UNC79: variants seen among roughly 807,000 people sequenced by gnomAD.
UNC79 encodes the protein protein unc-79 homolog.
In UNC79, 37 loss-of-function variants were observed where a neutral mutation model predicts 283.1. That is an observed-to-expected ratio of 0.13 (90% CI 0.10 to 0.17). UNC79 has a LOEUF of 0.17. UNC79 is among the 10% of genes least tolerant of loss of function. UNC79 has a pLI of 1.00. For missense variants in UNC79, 2,272 were observed against 3,211.1 expected (o/e 0.71, Z 7.07); for synonymous variants, 1,107 against 1,200.2 (o/e 0.92, Z 1.61).
chr14:93,404,509 T>TATATATATAA (rs1566915254), intron 1 of UNC79, among the ~76,000 whole-genome samples: 1 of 113,980 alleles, frequency 8.8e-6, no homozygotes, highest in Admixed American at 1.0e-4. Flanking sequence ...TATATATATA[T>TATATATATAA]ATATAAATAT....
At chr14:93,597,770 A>G (rs1406329627) in intron 24 of UNC79, among the ~76,000 whole-genome samples, 1 of 152,158 alleles carries the variant, frequency 6.6e-6, no homozygotes, top group African/African-American at 2.4e-5. Context: ...TAAGGGCACT[A>G]GTTCCATTCA....
intron 6 of UNC79, 59 bp from the exon 7 acceptor site, chr14:93,497,098 C>T (rs2059048499): frequency 6.4e-7 from 1 of 1,556,952 alleles, no homozygotes. Flanking sequence ...ATGTTGAAGT[C>T]TCTACCTTTC....
intron 1 of UNC79, among the ~76,000 whole-genome samples, chr14:93,445,197 A>C (rs1042955018): frequency 1.1e-4 from 16 of 152,206 alleles, no homozygotes; most frequent in Admixed American, 9.8e-4. Flanking sequence ...TAAAAAAAGA[A>C]AAAAATATAT....
intron 14 of UNC79, among the ~76,000 whole-genome samples, chr14:93,557,477 G>C (rs1378009240): frequency 6.6e-6 from 1 of 152,064 alleles, no homozygotes; most frequent in Non-Finnish European, 1.5e-5. Flanking sequence ...CCTTAATGAA[G>C]GTTATGATTT....
intron 1 of UNC79, among the ~76,000 whole-genome samples, chr14:93,459,019 T>C (rs974202334): frequency 6.6e-5 from 10 of 152,226 alleles, no homozygotes; most frequent in Non-Finnish European, 1.3e-4. Context: ...CAGAGTCAAT[T>C]AGAAGGCTTC....
chr14:93,416,621 T>C (rs2055465229), intron 1 of UNC79, among the ~76,000 whole-genome samples: 1 of 152,138 alleles, frequency 6.6e-6, no homozygotes, highest in Non-Finnish European at 1.5e-5. Context: ...GACAGTGGGG[T>C]GTTAAAGTCT....
intron 26 of UNC79, among the ~76,000 whole-genome samples, chr14:93,612,192 A>G (rs949785325): frequency 4.6e-5 from 7 of 152,132 alleles, no homozygotes; most frequent in African/African-American, 1.7e-4. Flanking sequence ...TATGTTTCTC[A>G]TGACATACAG....
At chr14:93,378,138 T>G (rs1362169181) in intron 1 of UNC79, among the ~76,000 whole-genome samples, 1 of 152,232 alleles carries the variant, frequency 6.6e-6, no homozygotes, top group African/African-American at 2.4e-5. Flanking sequence ...ACTGTCATGC[T>G]TAAGCTCTGG....
intron 34 of UNC79, among the ~76,000 whole-genome samples, chr14:93,645,344 A>G (rs1012172837): frequency 6.6e-6 from 1 of 152,228 alleles, no homozygotes; most frequent in Non-Finnish European, 1.5e-5. Context: ...ATATTTACAT[A>G]CACATATATT....
intron 39 of UNC79, among the ~76,000 whole-genome samples, chr14:93,660,563 A>ATATATATATATATATATG (rs1203621990): frequency 1.9e-4 from 12 of 64,786 alleles, no homozygotes; most frequent in Non-Finnish European, 3.2e-4. Flanking sequence ...ATATATATAT[A>ATATATATATATATATATG]TGTGTGTGTG....
At chr14:93,493,029 A>G (rs139664102) in intron 5 of UNC79, among the ~76,000 whole-genome samples, 371 of 152,320 alleles carry the variant, frequency 2.4e-3, no homozygotes, top group African/African-American at 5.1e-3. Context: ...TCATAAAATC[A>G]AGTGTAAAAT....
At chr14:93,562,189 A>T (rs185020523) in intron 14 of UNC79, among the ~76,000 whole-genome samples, 13 of 152,244 alleles carry the variant, frequency 8.5e-5, no homozygotes, top group Admixed American at 3.9e-4. Flanking sequence ...GGTGGATGGC[A>T]GTTGGGGTAC....
At chr14:93,480,428 C>T (rs1040654520) in intron 4 of UNC79, among the ~76,000 whole-genome samples, 2 of 152,186 alleles carry the variant, frequency 1.3e-5, no homozygotes, top group African/African-American at 4.8e-5. Flanking sequence ...GTATTGTCCT[C>T]TAACCTAGTT....
chr14:93,646,744 T>C (rs2069651348), intron 35 of UNC79, 98 bp downstream of exon 38: 3 of 1,356,538 alleles, frequency 2.2e-6, no homozygotes, highest in Non-Finnish European at 3.1e-6. Context: ...GTGCAGTGGC[T>C]CGCGTCTGTA....
At chr14:93,362,890 C>G (rs2054254687) in intron 1 of UNC79, among the ~76,000 whole-genome samples, 1 of 151,658 alleles carries the variant, frequency 6.6e-6, no homozygotes, top group Non-Finnish European at 1.5e-5. Context: ...CTTTATTTTT[C>G]TAGTTAGTGG....
At chr14:93,574,959 G>A in intron 16 of UNC79, 99 bp from the exon 17 acceptor site, 1 of 1,283,694 alleles carries the variant, frequency 7.8e-7, no homozygotes, top group Non-Finnish European at 1.1e-6. Flanking sequence ...TTATCCTTAT[G>A]TTCAATAATT....
rs2065656487 is a variant in UNC79, at chr14:93,603,419, G to A, written c.3754+1G>A. On this transcript the variant is annotated splice_donor_variant, in intron 26 of 48. Coordinates refer to ENST00000555664, the Ensembl canonical transcript of UNC79. LOFTEE classifies it high-confidence loss of function. Reference sequence around the variant, plus strand: ...CCTGAGACCCTGACCTCCAAAATTCGTTGAGTATCTTCTTTCATCCTTCCG... The same window carrying A: ...CCTGAGACCCTGACCTCCAAAATTCATTGAGTATCTTCTTTCATCCTTCCG... 1.9e-6 allele frequency: 3 copies of A among 1,613,364 alleles called. No individual in the cohort carries two copies. Among genetic ancestry groups the A allele is most frequent in the Non-Finnish European group, 8.5e-7 (1 of 1,179,800 alleles).
chr14:93,488,191 G>A (rs2058541662), intron 5 of UNC79, among the ~76,000 whole-genome samples: 1 of 152,152 alleles, frequency 6.6e-6, no homozygotes, highest in Admixed American at 6.5e-5. Context: ...TGAGTTAAAG[G>A]ACTTGAGAAA....
chr14:93,410,702 T>C (rs1283974882), intron 1 of UNC79, among the ~76,000 whole-genome samples: 1 of 152,070 alleles, frequency 6.6e-6, no homozygotes, highest in Non-Finnish European at 1.5e-5. Flanking sequence ...TAGCACACCT[T>C]GGGCCAGAAG....
Sources: allele counts gnomAD v4.1 joint callset (sites outside exome capture counted in the v4.1 genomes callset), GRCh38; gene constraint gnomAD v4.1.1; transcripts MANE v1.5; gene names NCBI Gene and HGNC (gene_info 2026-07-23, HGNC 2026-07-21).